Variants in IL1RAPL2 observed in about 807,000 individuals in gnomAD.
IL1RAPL2 encodes the protein X-linked interleukin-1 receptor accessory protein-like 2.
IL1RAPL2 carries 3 observed loss-of-function variants against 44.1 expected under a neutral mutation model. That is an observed-to-expected ratio of 0.07 (90% CI 0.03 to 0.18). IL1RAPL2 has a LOEUF of 0.18. Among genes scored for constraint, IL1RAPL2 ranks in the 10% least tolerant of loss-of-function variants. The pLI is 1.00. For synonymous variants in IL1RAPL2, 181 were observed against 178.8 expected (o/e 1.01, Z -0.10); for missense variants, 391 against 496.4 (o/e 0.79, Z 2.02).
At chrX:104,742,466 T>C (rs1324724994) in intron 2 of IL1RAPL2, among the ~76,000 whole-genome samples, 1 of 111,660 alleles carries the variant, frequency 9.0e-6, no homozygotes, top group Admixed American at 9.5e-5. Context: ...AGGGTGAGGC[T>C]CTCAGTCTTT....
At chrX:105,237,701 G>A (rs1343316531) in intron 4 of IL1RAPL2, among the ~76,000 whole-genome samples, 8 of 111,388 alleles carry the variant, frequency 7.2e-5, no homozygotes, top group African/African-American at 2.6e-4. Flanking sequence ...TTTTTTTCGT[G>A]TAAATTTGTT....
At chrX:105,547,098 CAT>C (rs750257137) in intron 6 of IL1RAPL2, among the ~76,000 whole-genome samples, 6 of 112,223 alleles carry the variant, frequency 5.3e-5, no homozygotes, top group South Asian at 7.4e-4. Flanking sequence ...TACATGAAGA[CAT>C]AGAACAGGCC....
At chrX:104,908,189 A>G (rs1422641192) in intron 2 of IL1RAPL2, among the ~76,000 whole-genome samples, 1 of 111,451 alleles carries the variant, frequency 9.0e-6, no homozygotes, top group African/African-American at 3.3e-5. Flanking sequence ...TTTTGAGCCT[A>G]TGTGTGTCTC....
intron 2 of IL1RAPL2, among the ~76,000 whole-genome samples, chrX:104,807,390 G>T (rs1208963995): frequency 9.0e-6 from 1 of 110,669 alleles, no homozygotes; most frequent in East Asian, 2.8e-4. Flanking sequence ...GCCTGTTTGA[G>T]GTCTACCCCT....
chrX:105,680,538 G>T (rs768507145), intron 6 of IL1RAPL2, among the ~76,000 whole-genome samples: 84 of 112,128 alleles, frequency 7.5e-4, no homozygotes, highest in Non-Finnish European at 1.3e-3. Flanking sequence ...CAAGTCCTTG[G>T]TTGTATAACC....
intron 2 of IL1RAPL2, among the ~76,000 whole-genome samples, chrX:105,125,991 A>G (rs968788814): frequency 1.8e-5 from 2 of 111,547 alleles, no homozygotes; most frequent in East Asian, 5.6e-4. Context: ...GGACCTTAGA[A>G]ACTATGTAGT....
At chrX:104,627,380 G>GC (rs1166446260) in intron 1 of IL1RAPL2, among the ~76,000 whole-genome samples, 1 of 106,548 alleles carries the variant, frequency 9.4e-6, no homozygotes, top group Non-Finnish European at 1.9e-5. Context: ...TATACCTAAT[G>GC]TAAATGACGA....
intron 2 of IL1RAPL2, among the ~76,000 whole-genome samples, chrX:104,887,757 A>G (rs10855534): frequency 0.43 from 47,489 of 110,092 alleles, 7,434 homozygotes; most frequent in East Asian, 0.46. Context: ...TGATTTCTTC[A>G]AAGTCCCCTT....
chrX:105,428,964 G>A (rs1209967898), intron 5 of IL1RAPL2, among the ~76,000 whole-genome samples: 5 of 111,359 alleles, frequency 4.5e-5, no homozygotes, highest in African/African-American at 1.6e-4. Context: ...ATTAGATGGA[G>A]ACACGTTCTG....
chrX:104,949,256 G>C (rs1401970023), intron 2 of IL1RAPL2, among the ~76,000 whole-genome samples: 3 of 109,812 alleles, frequency 2.7e-5, no homozygotes, highest in Non-Finnish European at 3.8e-5. Flanking sequence ...TGTGGGATCG[G>C]TGGTGATATC....
At chrX:105,172,096 G>C (rs1305727039) in intron 2 of IL1RAPL2, among the ~76,000 whole-genome samples, 1 of 112,110 alleles carries the variant, frequency 8.9e-6, no homozygotes, top group Non-Finnish European at 1.9e-5. Context: ...AAGGCATGAG[G>C]GTAAAGGGTT....
At chrX:105,729,332 T>C (rs1278533192) in intron 7 of IL1RAPL2, among the ~76,000 whole-genome samples, 1 of 111,737 alleles carries the variant, frequency 8.9e-6, no homozygotes, top group Non-Finnish European at 1.9e-5. Context: ...GGATGATAAT[T>C]TCTATTGCTT....
chrX:105,640,231 GA>G (rs946764692), intron 6 of IL1RAPL2, among the ~76,000 whole-genome samples: 3 of 107,235 alleles, frequency 2.8e-5, no homozygotes, highest in African/African-American at 6.8e-5. Context: ...CAATTCACTT[GA>G]AAAAAAAATG....
chrX:104,918,133 A>C (rs1446028082), intron 2 of IL1RAPL2, among the ~76,000 whole-genome samples: 2 of 112,344 alleles, frequency 1.8e-5, no homozygotes, highest in Non-Finnish European at 3.8e-5. Context: ...AGTGTTTCTC[A>C]ACTGAACGTT....
chrX:105,171,502 A>T (rs903864850), intron 2 of IL1RAPL2, among the ~76,000 whole-genome samples: 3 of 110,668 alleles, frequency 2.7e-5, no homozygotes, highest in African/African-American at 9.9e-5. Flanking sequence ...TAGCATAGGG[A>T]GTAAGGCTAG....
At chrX:104,610,227 C>T (rs1010620017) in intron 1 of IL1RAPL2, among the ~76,000 whole-genome samples, 3 of 110,819 alleles carry the variant, frequency 2.7e-5, no homozygotes, top group African/African-American at 6.6e-5. Context: ...GGCACAAGAC[C>T]GGGATGCCCT....
rs974111757 is a variant in IL1RAPL2, at chrX:105,639,395, C to T, written c.773-77972C>T. On this transcript the variant is annotated intron_variant, in intron 6 of 10. Coordinates refer to ENST00000372582, the MANE Select transcript of IL1RAPL2 (RefSeq NM_017416.2). ...ACAGAGCCAAGCTAAATCTTGCTCTCGTGAAATCAGGCACAAGTAAGATGT... is the reference window on the plus strand; with the variant it reads ...ACAGAGCCAAGCTAAATCTTGCTCTTGTGAAATCAGGCACAAGTAAGATGT... 3.6e-5 allele frequency among the ~76,000 whole-genome samples: 4 copies of T among 111,216 alleles called. No homozygotes were observed. The East Asian group carries it at 8.5e-4, about 24-fold the overall frequency.
At chrX:105,370,473 G>C (rs1362026151) in intron 5 of IL1RAPL2, among the ~76,000 whole-genome samples, 2 of 111,490 alleles carry the variant, frequency 1.8e-5, no homozygotes, top group Non-Finnish European at 3.8e-5. Flanking sequence ...GAGAACATGT[G>C]GTATTTGGTT....
At chrX:104,798,558 C>T (rs1024144531) in intron 2 of IL1RAPL2, among the ~76,000 whole-genome samples, 3 of 110,273 alleles carry the variant, frequency 2.7e-5, no homozygotes, top group Non-Finnish European at 3.8e-5. Context: ...CCCAGCTACT[C>T]GGGAGGCTGA....
Sources: gnomAD v4.1 joint callset for allele counts (sites outside exome capture counted in the v4.1 genomes callset) on GRCh38, gnomAD v4.1.1 for gene constraint, MANE v1.5 for transcripts, NCBI Gene and HGNC (gene_info 2026-07-23, HGNC 2026-07-21) for gene names.